The following EYS variants were observed in gnomAD, a reference collection of about 807,000 sequenced individuals.
The protein encoded by EYS is protein eyes shut homolog.
Under a neutral mutation model 282.1 loss-of-function variants are expected in EYS, and 250 were observed. That is an observed-to-expected ratio of 0.89 (90% CI 0.80 to 0.98). The LOEUF (loss-of-function observed/expected upper bound fraction) is 0.98, where lower values mean the gene tolerates loss of function less well. Among genes scored for constraint, EYS ranks in the 50% least tolerant of loss-of-function variants. The pLI is 0.00. For missense variants in EYS, 4,016 were observed against 3,709.0 expected, an observed-to-expected ratio of 1.08 and a Z score of -2.15; for synonymous variants, 1,355 against 1,282.9, an observed-to-expected ratio of 1.06 and a Z score of -1.20.
intron 35 of EYS, among the ~76,000 whole-genome samples, chr6:63,943,541 G>C (rs1366359933): frequency 2.0e-5 from 3 of 152,120 alleles, no homozygotes; most frequent in Non-Finnish European, 4.4e-5. Context: ...AATTTTTCTT[G>C]ATAAGAAGAT....
At chr6:64,201,874 C>T (rs1765466953) in intron 31 of EYS, among the ~76,000 whole-genome samples, 2 of 152,098 alleles carry the variant, frequency 1.3e-5, no homozygotes, top group South Asian at 2.1e-4. Context: ...TTTTGTTCCC[C>T]AGGGAGCATT....
intron 31 of EYS, among the ~76,000 whole-genome samples, chr6:64,086,958 T>C (rs942674319): frequency 6.6e-6 from 1 of 152,118 alleles, no homozygotes; most frequent in African/African-American, 2.4e-5. Flanking sequence ...CAACTTTTAA[T>C]GATAGAAGAA....
At chr6:64,596,776 T>C (rs1766600467) in intron 24 of EYS, among the ~76,000 whole-genome samples, 1 of 152,078 alleles carries the variant, frequency 6.6e-6, no homozygotes, top group Non-Finnish European at 1.5e-5. Flanking sequence ...ACAGAGTAAA[T>C]GCCTCAGGAC....
chr6:64,690,406 G>A (rs1447140494), intron 22 of EYS, among the ~76,000 whole-genome samples: 4 of 152,256 alleles, frequency 2.6e-5, no homozygotes, highest in African/African-American at 9.6e-5. Context: ...CAACCATCGT[G>A]GAAGACAGTG....
At chr6:64,365,651 T>C (rs1315956401) in intron 29 of EYS, among the ~76,000 whole-genome samples, 1 of 152,048 alleles carries the variant, frequency 6.6e-6, no homozygotes, top group Non-Finnish European at 1.5e-5. Flanking sequence ...GAGAATAATA[T>C]TGAACCTTAA....
At chr6:63,940,247 C>G (rs1487995823) in intron 35 of EYS, among the ~76,000 whole-genome samples, 1 of 151,826 alleles carries the variant, frequency 6.6e-6, no homozygotes, top group Non-Finnish European at 1.5e-5. Context: ...TGCTATGTAC[C>G]ATAGATTGAA....
rs547036565 is a variant in EYS at position 64,516,496 on chromosome 6, AATTG to A, written c.5644+73723_5644+73726del. On this transcript the variant is annotated intron_variant, in intron 26 of 42. Coordinates refer to ENST00000503581, the MANE Select transcript of EYS (RefSeq NM_001142800.2). ...AAATAATATTTTTTTTAAATCACAA[AATTG>A]ATTGAGCTGTCTACCTACAAACAGA... Among the ~76,000 whole-genome samples, 302 of 151,964 alleles carry A rather than the reference AATTG, an allele frequency of 2.0e-3. 1 individual carries two copies. The highest frequency in any genetic ancestry group is 3.4e-3 in the Middle Eastern group (1 of 294).
intron 11 of EYS, chr6:65,332,280 A>C (rs544592525): frequency 1.4e-6 from 1 of 693,644 alleles, no homozygotes; most frequent in Non-Finnish European, 2.7e-6. Context: ...TATTCTATTG[A>C]TACATTAAAT....
intron 29 of EYS, among the ~76,000 whole-genome samples, chr6:64,381,999 C>T (rs910524127): frequency 6.6e-6 from 1 of 152,092 alleles, no homozygotes; most frequent in Non-Finnish European, 1.5e-5. Flanking sequence ...CAGTGGATGT[C>T]TTTCAGCCCT....
At chr6:64,080,603 C>T (rs1024944446) in intron 32 of EYS, among the ~76,000 whole-genome samples, 27 of 152,072 alleles carry the variant, frequency 1.8e-4, no homozygotes, top group African/African-American at 6.0e-4. Context: ...GCCATTGCTT[C>T]TGGTGTTTTA....
chr6:65,475,229 C>T (rs1237278446), intron 5 of EYS, among the ~76,000 whole-genome samples: 5 of 151,884 alleles, frequency 3.3e-5, no homozygotes, highest in Non-Finnish European at 7.4e-5. Flanking sequence ...TGTATGAAAA[C>T]ATTGTACAGA....
intron 12 of EYS, among the ~76,000 whole-genome samples, chr6:65,270,466 C>G (rs563358557): frequency 6.6e-6 from 1 of 152,140 alleles, no homozygotes; most frequent in Non-Finnish European, 1.5e-5. Context: ...TTGAAAGCAA[C>G]GTGAAGTCCC....
intron 36 of EYS, among the ~76,000 whole-genome samples, chr6:63,852,136 G>GA (rs1772271674): frequency 9.2e-6 from 1 of 108,876 alleles, no homozygotes; most frequent in African/African-American, 3.6e-5. Context: ...CAGCCTGGGC[G>GA]ACAGAGCGAG....
chr6:65,118,099 G>A (rs1452577677), intron 12 of EYS, among the ~76,000 whole-genome samples: 1 of 152,174 alleles, frequency 6.6e-6, no homozygotes, highest in African/African-American at 2.4e-5. Context: ...TCTAGAAGAA[G>A]AAAGTTAACT....
At chr6:65,063,568 C>G (rs1311589728) in intron 12 of EYS, among the ~76,000 whole-genome samples, 1 of 151,924 alleles carries the variant, frequency 6.6e-6, no homozygotes, top group Non-Finnish European at 1.5e-5. Flanking sequence ...AGAATAATGG[C>G]CAAAAGGTGT....
intron 35 of EYS, among the ~76,000 whole-genome samples, chr6:63,955,152 C>T (rs1290522731): frequency 6.6e-6 from 1 of 152,084 alleles, no homozygotes; most frequent in Non-Finnish European, 1.5e-5. Context: ...GTCATTTCTT[C>T]CCTTCTGTCA....
At chr6:65,070,313 T>C (rs901103221) in intron 12 of EYS, among the ~76,000 whole-genome samples, 1 of 151,850 alleles carries the variant, frequency 6.6e-6, no homozygotes, top group African/African-American at 2.4e-5. Context: ...CAAATCCTCT[T>C]AAGGTAAAAG....
intron 26 of EYS, among the ~76,000 whole-genome samples, chr6:64,461,180 T>C (rs1006097923): frequency 6.6e-6 from 1 of 152,212 alleles, no homozygotes; most frequent in Non-Finnish European, 1.5e-5. Flanking sequence ...TTGAAAACTC[T>C]AAGAAGGCTT....
In EYS at chr6:64,689,513, T is replaced by G. The variant is rs184872034; in HGVS notation, c.3444-63268A>C. Among the ~76,000 whole-genome samples, 12 of 151,618 alleles carry G rather than the reference T, an allele frequency of 7.9e-5. No individual in the cohort carries two copies. The East Asian group carries it at 2.3e-3, about 29-fold the overall frequency. On this transcript the variant is annotated intron_variant, in intron 22 of 42. Transcript: ENST00000503581. ...TATGGAACCAAAGAAGAGCCCGCATTGCCAAGACAATCCTAAGCCAAAAGA... is the reference window on the plus strand; with the variant it reads ...TATGGAACCAAAGAAGAGCCCGCATGGCCAAGACAATCCTAAGCCAAAAGA...
Sources: gnomAD v4.1 joint callset for allele counts (sites outside exome capture counted in the v4.1 genomes callset) on GRCh38, gnomAD v4.1.1 for gene constraint, MANE v1.5 for transcripts, NCBI Gene and HGNC (gene_info 2026-07-23, HGNC 2026-07-21) for gene names.